The following SAP18 variants were observed in gnomAD, a reference collection of about 807,000 sequenced individuals.
SAP18 encodes Sin3A associated protein 18, also known as histone deacetylase complex subunit SAP18.
SAP18 carries 4 observed loss-of-function variants against 18.6 expected under a neutral mutation model. The observed-to-expected ratio is 0.21, with a 90% CI of 0.11 to 0.49. SAP18 has a LOEUF of 0.49. Among genes scored for constraint, SAP18 ranks in the 20% least tolerant of loss-of-function variants. SAP18 has a pLI of 0.98. For synonymous variants in SAP18, 112 were observed against 82.8 expected, an observed-to-expected ratio of 1.35 and a Z score of -1.92; for missense variants, 170 against 226.4, an observed-to-expected ratio of 0.75 and a Z score of 1.60.
At chr13:21,145,065 C>CTTTTT (rs1167195491) in intron 2 of SAP18, among the ~76,000 whole-genome samples, 8 of 127,732 alleles carry the variant, frequency 6.3e-5, no homozygotes, top group Non-Finnish European at 9.8e-5. Context: ...TTCTTGACCT[C>CTTTTT]TTTTTTTTTT....
chr13:21,146,657 T>A, intron 2 of SAP18, 148 bp from the exon 3 acceptor site: 1 of 587,082 alleles, frequency 1.7e-6, no homozygotes. Context: ...TTTTAGCTGC[T>A]TTAAAATTAA....
chr13:21,141,034 A>T, intron 2 of SAP18, 39 bp downstream of exon 2: 1 of 1,249,602 alleles, frequency 8.0e-7, no homozygotes, highest in Non-Finnish European at 1.2e-6. Flanking sequence ...CCGGGCCGGG[A>T]ACCTGGAACA....
intron 2 of SAP18, among the ~76,000 whole-genome samples, chr13:21,143,403 T>C (rs763432469): frequency 1.1e-4 from 16 of 152,226 alleles, no homozygotes; most frequent in Admixed American, 2.0e-4. Context: ...ACTTGTCTTA[T>C]TTGGAGGTGC....
exon 4 of SAP18, chr13:21,148,008 A>C (rs1869708853): frequency 6.6e-6 from 1 of 152,398 alleles, no homozygotes; most frequent in East Asian, 1.9e-4. Flanking sequence ...TTAACCCTGG[A>C]GATCTGCAAA....
chr13:21,142,567 T>G (rs1869507625), intron 2 of SAP18, among the ~76,000 whole-genome samples: 1 of 151,978 alleles, frequency 6.6e-6, no homozygotes, highest in African/African-American at 2.4e-5. Flanking sequence ...CCTCAAGTGA[T>G]CCACCCACCT....
At chr13:21,145,743 T>C (rs975267808) in intron 2 of SAP18, among the ~76,000 whole-genome samples, 32 of 152,212 alleles carry the variant, frequency 2.1e-4, no homozygotes, top group Non-Finnish European at 4.1e-4. Context: ...GAACTTGAGC[T>C]CCTGGCCTCA....
intron 3 of SAP18, 79 bp from the exon 4 acceptor site, chr13:21,147,107 C>T (rs1480685842): frequency 1.6e-5 from 23 of 1,480,984 alleles, no homozygotes; most frequent in Middle Eastern, 2.0e-4. Context: ...TGGAGAAAAT[C>T]CAGTGCCATA....
chr13:21,140,978 G>A, exon 2 of SAP18: 1 of 1,461,116 alleles, frequency 6.8e-7, no homozygotes, highest in East Asian at 2.7e-5. Context: ...CGTCCAGCGA[G>A]TTGCAGATCT....
chr13:21,142,122 A>C (rs1455991039), intron 2 of SAP18, among the ~76,000 whole-genome samples: 1 of 149,444 alleles, frequency 6.7e-6, no homozygotes, highest in Non-Finnish European at 1.5e-5. Context: ...CCCTGTCTCT[A>C]CTAAAAATGC....
At chr13:21,147,418 T>A in exon 4 of SAP18, 2 of 1,308,732 alleles carry the variant, frequency 1.5e-6, no homozygotes, top group Non-Finnish European at 2.1e-6. Context: ...CTCCCCTGAT[T>A]ATTGCCATTA....
intron 1 of SAP18, 40 bp from the exon 2 acceptor site, chr13:21,140,846 T>A: frequency 5.7e-6 from 9 of 1,586,628 alleles, no homozygotes; most frequent in Non-Finnish European, 7.8e-6. Context: ...TCGCAGCTGG[T>A]GTTTTTAACT....
exon 4 of SAP18, chr13:21,147,831 T>C (rs1869702043): frequency 6.5e-6 from 1 of 153,490 alleles, no homozygotes; most frequent in South Asian, 2.0e-4. Context: ...GAAGAAGCTG[T>C]GTTGGACGAG....
At chr13:21,140,596 G>C (rs1869421620) in exon 1 of SAP18, 1 of 1,610,552 alleles carries the variant, frequency 6.2e-7, no homozygotes, top group South Asian at 1.1e-5. Context: ...CGTCTCGCAG[G>C]CCGTAGGAGG....
chr13:21,145,203 A>G (rs1869609080), intron 2 of SAP18, among the ~76,000 whole-genome samples: 2 of 151,164 alleles, frequency 1.3e-5, no homozygotes, highest in Admixed American at 1.3e-4. Context: ...AGTAGCTGGG[A>G]TTACAGGCGT....
chr13:21,148,378 T>C (rs1208173233), exon 4 of SAP18: 2 of 151,048 alleles, frequency 1.3e-5, no homozygotes, highest in Non-Finnish European at 3.0e-5. Flanking sequence ...CTGGATCTCT[T>C]TTCTTCCATG....
intron 2 of SAP18, 181 bp downstream of exon 2, chr13:21,141,176 A>C (rs1424959840): frequency 6.6e-6 from 4 of 602,228 alleles, no homozygotes; most frequent in Non-Finnish European, 5.9e-6. Flanking sequence ...ATTTGCCCGT[A>C]TTGTAACGCT....
At chr13:21,147,045 C>T (rs938077130) in intron 3 of SAP18, 118 bp downstream of exon 3, 78 of 1,412,964 alleles carry the variant, frequency 5.5e-5, no homozygotes, top group African/African-American at 5.0e-4. Context: ...TATATTAATA[C>T]GTGGTTTGGC....
At chr13:21,140,437 G>C (rs1869401743), upstream of SAP18, 1 of 1,226,924 alleles carries the variant, frequency 8.2e-7, no homozygotes, top group African/African-American at 1.5e-5. Context: ...GCAACACGCA[G>C]GCGCGCTCCG....
Position 21,140,688 on chromosome 13 carries a change from GC to G in SAP18, c.129+12del. ...ACCGATCGACCGCGAGAAGGTGAAG[GC>G]CCCCTCCGCTTTGGGGTCCGGGAAG... is the stretch of plus-strand genomic sequence containing the variant. On this transcript the variant is annotated splice_region_variant and intron_variant, in intron 1 of 3. Coordinates refer to ENST00000621421, the Ensembl canonical transcript of SAP18. 6.2e-7 allele frequency: 1 copy of G among 1,609,638 alleles called. No individual in the cohort carries two copies. The highest frequency in any genetic ancestry group is 1.1e-5 in the South Asian group (1 of 90,530).
Sources: allele counts gnomAD v4.1 joint callset (sites outside exome capture counted in the v4.1 genomes callset), GRCh38; gene constraint gnomAD v4.1.1; transcripts MANE v1.5; gene names NCBI Gene and HGNC (gene_info 2026-07-23, HGNC 2026-07-21).